The following CDKL4 variants were observed in gnomAD, a reference collection of about 807,000 sequenced individuals.
CDKL4 encodes the protein cyclin-dependent kinase-like 4.
Under a neutral mutation model 42.0 loss-of-function variants are expected in CDKL4, and 44 were observed. The observed-to-expected ratio is 1.05, with a 90% CI of 0.82 to 1.35. The LOEUF is 1.35. CDKL4 is among the 40% of genes most tolerant of loss of function. CDKL4 has a pLI of 0.00. For synonymous variants in CDKL4, 120 were observed against 121.6 expected (o/e 0.99, Z 0.09); for missense variants, 393 against 369.9 (o/e 1.06, Z -0.51).
rs186867432 is a variant in CDKL4 at position 39,208,251 on chromosome 2, T to C, written c.364-3634A>G. Among the ~76,000 whole-genome samples the C allele has an allele frequency of 5.9e-5, 9 of 152,320 alleles. No homozygotes were observed. The East Asian group carries it at 1.3e-3, about 23-fold the overall frequency. ...CACACTCAATGCAAACTCTCTGCAA[T>C]GCCTCTTGCAATCAGCTTATTTTCC... On this transcript the variant is annotated intron_variant, in intron 4 of 9. Coordinates refer to ENST00000451199, the Ensembl canonical transcript of CDKL4.
downstream of CDKL4, among the ~76,000 whole-genome samples, chr2:39,171,370 C>T (rs1674996205): frequency 6.6e-6 from 1 of 152,074 alleles, no homozygotes; most frequent in Non-Finnish European, 1.5e-5. Context: ...CTCTTCATCC[C>T]CCAAGAACTT....
intron 5 of CDKL4, among the ~76,000 whole-genome samples, chr2:39,199,432 T>A (rs1233185336): frequency 1.3e-5 from 2 of 152,120 alleles, no homozygotes; most frequent in Admixed American, 1.3e-4. Context: ...TTGGTACTAA[T>A]CCTATTGACA....
chr2:39,183,802 A>G (rs1424157486), intron 8 of CDKL4, among the ~76,000 whole-genome samples: 1 of 152,102 alleles, frequency 6.6e-6, no homozygotes, highest in East Asian at 1.9e-4. Flanking sequence ...GGAGTCTGAG[A>G]GCACAGGGGT....
chr2:39,198,046 G>C (rs1014999907), intron 5 of CDKL4, among the ~76,000 whole-genome samples: 1 of 152,086 alleles, frequency 6.6e-6, no homozygotes, highest in African/African-American at 2.4e-5. Context: ...CAGAATGGCA[G>C]AGTAGATAAA....
intron 6 of CDKL4, among the ~76,000 whole-genome samples, chr2:39,188,542 C>A (rs1005379970): frequency 9.6e-6 from 1 of 103,634 alleles, no homozygotes; most frequent in South Asian, 3.5e-4. Context: ...AGCCTGGCAA[C>A]AGAGTGACAG....
chr2:39,202,193 C>T (rs1676896638), intron 5 of CDKL4, among the ~76,000 whole-genome samples: 1 of 152,144 alleles, frequency 6.6e-6, no homozygotes, highest in South Asian at 2.1e-4. Flanking sequence ...GATCACACCG[C>T]TGCACTCCAG....
At chr2:39,226,447 A>ATATATATATAATATATAT (rs1678730824) in intron 2 of CDKL4, among the ~76,000 whole-genome samples, 1 of 135,252 alleles carries the variant, frequency 7.4e-6, no homozygotes, top group Non-Finnish European at 1.6e-5. Flanking sequence ...TATATATATT[A>ATATATATATAATATATAT]TATATATATT....
chr2:39,212,494 A>G (rs909406012), intron 4 of CDKL4, among the ~76,000 whole-genome samples: 1 of 152,060 alleles, frequency 6.6e-6, no homozygotes. Flanking sequence ...CGGCCTCCCA[A>G]AGTGCTGGGA....
intron 5 of CDKL4, among the ~76,000 whole-genome samples, chr2:39,193,717 A>C (rs1009352622): frequency 6.6e-6 from 1 of 152,098 alleles, no homozygotes; most frequent in African/African-American, 2.4e-5. Flanking sequence ...TTTGTAGAAA[A>C]CTTGGAAAAT....
chr2:39,169,631 A>G, the CDKL4 span, among the ~76,000 whole-genome samples: 1 of 152,230 alleles, frequency 6.6e-6, no homozygotes. Context: ...TAGCTTCACT[A>G]CTCTCTTATT....
At position 39,185,451 on chromosome 2, in the gene CDKL4, TAC is replaced by T. The variant is rs1553381282; in HGVS notation, c.736-806_736-805del. ...ACATATGTATATATACATGTATATA[TAC>T]ATATGTGTATATATATATATATATA... is the stretch of plus-strand genomic sequence containing the variant. On this transcript the variant is annotated intron_variant, in intron 7 of 9. Transcript: ENST00000451199. Among the ~76,000 whole-genome samples the T allele has an allele frequency of 7.5e-5, 8 of 105,982 alleles. 2 individuals carry two copies. The highest frequency in any genetic ancestry group is 2.9e-4 in the African/African-American group (8 of 27,316). The allele number at this position is 105,982 out of a possible 152,430, so 69.5% of individuals were successfully genotyped here.
intron 3 of CDKL4, among the ~76,000 whole-genome samples, chr2:39,223,798 A>G (rs1336036724): frequency 2.0e-5 from 3 of 152,012 alleles, no homozygotes; most frequent in Non-Finnish European, 2.9e-5. Context: ...GGGTTTCACC[A>G]TGTTGGCCAG....
chr2:39,182,688 A>C (rs949980779), intron 8 of CDKL4, among the ~76,000 whole-genome samples: 2 of 152,252 alleles, frequency 1.3e-5, no homozygotes, highest in Non-Finnish European at 2.9e-5. Flanking sequence ...CGCTCTGATA[A>C]AATTTCTAAT....
intron 9 of CDKL4, 41 bp downstream of exon 9, chr2:39,179,146 G>C: frequency 6.3e-7 from 1 of 1,580,276 alleles, no homozygotes; most frequent in South Asian, 1.2e-5. Context: ...AAACAAAAAA[G>C]GAATTATTTT....
chr2:39,244,441 A>G (rs958571267), upstream of CDKL4, among the ~76,000 whole-genome samples: 1 of 152,216 alleles, frequency 6.6e-6, no homozygotes, highest in Non-Finnish European at 1.5e-5. Context: ...AGAAGGTGTA[A>G]TGGGTCCCCC....
At chr2:39,196,318 G>T (rs1268480608) in intron 5 of CDKL4, among the ~76,000 whole-genome samples, 1 of 152,230 alleles carries the variant, frequency 6.6e-6, no homozygotes, top group African/African-American at 2.4e-5. Flanking sequence ...ATAGCTGAAA[G>T]ATCTGACAAT....
In CDKL4 at chr2:39,224,193, T is replaced by A. The variant is rs541456192; in HGVS notation, c.290+1646A>T. Among the ~76,000 whole-genome samples, 4 of 152,210 alleles carry A rather than the reference T, an allele frequency of 2.6e-5. No individual in the cohort carries two copies. In the South Asian group the frequency reaches 8.3e-4, roughly 32 times the overall value. On this transcript the variant is annotated intron_variant, in intron 3 of 9. Transcript: ENST00000451199. ...TATGGTACTTTTTTGTCAAAGGGAGTCTCTTAAACTACTGTGATTTAATAT... is the reference window on the plus strand; with the variant it reads ...TATGGTACTTTTTTGTCAAAGGGAGACTCTTAAACTACTGTGATTTAATAT...
chr2:39,223,581 C>CTTTT (rs59461223), intron 3 of CDKL4, among the ~76,000 whole-genome samples: 3 of 83,486 alleles, frequency 3.6e-5, no homozygotes, highest in Admixed American at 1.4e-4. Flanking sequence ...ATTTCCTTCT[C>CTTTT]TTTTTTTTTT....
chr2:39,236,772 G>A (rs1037540090), intron 1 of CDKL4, among the ~76,000 whole-genome samples: 4 of 152,046 alleles, frequency 2.6e-5, no homozygotes, highest in Admixed American at 6.6e-5. Flanking sequence ...ACAAGTTTAC[G>A]CAACAAAATT....
Sources: gnomAD v4.1 joint callset for allele counts (sites outside exome capture counted in the v4.1 genomes callset) on GRCh38, gnomAD v4.1.1 for gene constraint, MANE v1.5 for transcripts, NCBI Gene and HGNC (gene_info 2026-07-23, HGNC 2026-07-21) for gene names.